Variants in PCDHGA7 observed in about 807,000 individuals in gnomAD.
PCDHGA7 encodes the protein protocadherin gamma-A7.
Under a neutral mutation model 58.3 loss-of-function variants are expected in PCDHGA7, and 44 were observed. The observed-to-expected ratio is 0.75, with a 90% CI of 0.59 to 0.97. The LOEUF is 0.97. Ranked by LOEUF, PCDHGA7 falls within the 50% of genes least tolerant of loss-of-function variation. The pLI, the probability that PCDHGA7 is intolerant of heterozygous loss-of-function variation, is 0.00. For synonymous variants in PCDHGA7, 516 were observed against 504.2 expected (o/e 1.02, Z -0.31); for missense variants, 1,266 against 1,188.7 (o/e 1.06, Z -0.96).
At chr5:141,507,786 G>A (rs536470814) in intron 3 of PCDHGA7, among the ~76,000 whole-genome samples, 3 of 152,292 alleles carry the variant, frequency 2.0e-5, no homozygotes, top group East Asian at 1.9e-4. Context: ...CCTGACCCTC[G>A]TCTAAGCCTG....
At position 141,431,159 on chromosome 5, in the gene PCDHGA7, C is replaced by T. The variant is rs1017606383; in HGVS notation, c.2424+45836C>T. Reference sequence around the variant, plus strand: ...CATTAACGACAATGCGCCTTACTTTCGTGAAAGTGAATTAGAAATAAAAAT... The same window carrying T: ...CATTAACGACAATGCGCCTTACTTTTGTGAAAGTGAATTAGAAATAAAAAT... On this transcript the variant is annotated intron_variant, in intron 1 of 3. Transcript: ENST00000518325. The surrounding 1 kb of genome is among the most constrained non-coding windows in gnomAD (Gnocchi z 4.8). 1 of 1,614,158 alleles carries T rather than the reference C, an allele frequency of 6.2e-7. No individual in the cohort carries two copies. The highest frequency in any genetic ancestry group is 1.3e-5 in the African/African-American group (1 of 75,046).
intron 1 of PCDHGA7, chr5:141,419,798 A>G: frequency 6.2e-7 from 1 of 1,614,050 alleles, no homozygotes; most frequent in Admixed American, 1.7e-5. Flanking sequence ...AGTCGCTGTA[A>G]GAGATGGAGG....
intron 3 of PCDHGA7, among the ~76,000 whole-genome samples, chr5:141,505,861 C>A (rs115699706): frequency 0.034 from 5,102 of 152,242 alleles, 131 homozygotes; most frequent in Admixed American, 0.057. Flanking sequence ...GGGACAGGGA[C>A]CCCAAAGGGT....
chr5:141,435,973 G>T (rs1420195337), intron 1 of PCDHGA7, among the ~76,000 whole-genome samples: 1 of 152,028 alleles, frequency 6.6e-6, no homozygotes, highest in East Asian at 1.9e-4. Context: ...AGAGTGTGTG[G>T]TTCTACTTGT....
chr5:141,422,508 C>T (rs2096653251), intron 1 of PCDHGA7: 1 of 1,613,984 alleles, frequency 6.2e-7, no homozygotes, highest in Non-Finnish European at 8.5e-7. Flanking sequence ...CAGCCACAGA[C>T]CAGGGAAGCC....
chr5:141,511,353 A>C lies in PCDHGA7; in HGVS notation c.*180A>C. ...AGTCAGCACCTACCCCTTCCCCCCC[A>C]GGGGGTTGAATATGCAAAAGCAGTT... On this transcript the variant is annotated 3_prime_UTR_variant, in exon 4 of 4. Transcript: ENST00000518325. 7.3e-7 allele frequency: 1 copy of C among 1,371,054 alleles called. No individual in the cohort carries two copies. Among genetic ancestry groups the C allele is most frequent in the Non-Finnish European group, 9.7e-7 (1 of 1,027,740 alleles). The allele number at this position is 1,371,054 out of a possible 1,614,324, so 84.9% of individuals were successfully genotyped here. A position where few individuals can be genotyped will look rare whatever the true frequency, so the allele number is the denominator to read the frequency against.
intron 1 of PCDHGA7, chr5:141,403,871 C>T: frequency 1.2e-6 from 2 of 1,613,602 alleles, no homozygotes; most frequent in Admixed American, 1.7e-5. Flanking sequence ...AGCAAAAAGT[C>T]TAGATTATGA....
chr5:141,486,760 G>C lies in PCDHGA7; in HGVS notation c.2425-8047G>C. ...GATCCTTTGACTATGAGCAAACCCAGACACTGCAGTTTGAGGTGCAGGCCC... is the reference window on the plus strand; with the variant it reads ...GATCCTTTGACTATGAGCAAACCCACACACTGCAGTTTGAGGTGCAGGCCC... On this transcript the variant is annotated intron_variant, in intron 1 of 3. Transcript: ENST00000518325. This position sits in a 1 kb window ranked among gnomAD's most constrained non-coding sequence, Gnocchi z 5.0. 1.2e-6 allele frequency: 2 copies of C among 1,614,240 alleles called. No homozygotes were observed. The highest frequency in any genetic ancestry group is 2.2e-5 in the South Asian group (2 of 91,086).
intron 1 of PCDHGA7, chr5:141,404,496 A>G (rs773471878): frequency 2.7e-5 from 43 of 1,613,778 alleles, no homozygotes; most frequent in East Asian, 2.2e-5. Context: ...GGTGTGCTGT[A>G]TGCTCTGTGC....
At chr5:141,402,737 G>C (rs948478466) in intron 1 of PCDHGA7, among the ~76,000 whole-genome samples, 7 of 152,158 alleles carry the variant, frequency 4.6e-5, no homozygotes, top group African/African-American at 1.4e-4. Flanking sequence ...CGCCGCTGTT[G>C]ATCAACTCTA....
intron 1 of PCDHGA7, chr5:141,398,701 C>G (rs757215015): frequency 6.2e-7 from 1 of 1,613,658 alleles, no homozygotes; most frequent in African/African-American, 1.3e-5. Flanking sequence ...TAGTAAATAC[C>G]CGGAACTGGC....
At chr5:141,418,348 T>C in intron 1 of PCDHGA7, 4 of 1,613,982 alleles carry the variant, frequency 2.5e-6, no homozygotes, top group Non-Finnish European at 3.4e-6. Context: ...CTGATATTAG[T>C]ATGAATTCGC....
At position 141,491,770 on chromosome 5, in the gene PCDHGA7, G is replaced by C. The variant is rs1230581925; in HGVS notation, c.2425-3037G>C. 1 of 1,560,888 alleles carries C rather than the reference G, an allele frequency of 6.4e-7. No individual in the cohort carries two copies. Among genetic ancestry groups the C allele is most frequent in the Non-Finnish European group, 8.7e-7 (1 of 1,154,942 alleles). On this transcript the variant is annotated intron_variant, in intron 1 of 3. Coordinates refer to ENST00000518325, the MANE Select transcript of PCDHGA7 (RefSeq NM_018920.4). This position sits in a 1 kb window ranked among gnomAD's most constrained non-coding sequence, Gnocchi z 6.9. ...TGGAGAAGCCGCCCGTCCTCATAAG[G>C]GATTGAACTTGCATCCACTCCTCTC...
In PCDHGA7 at chr5:141,399,542, C is replaced by T. The variant is rs761214012; in HGVS notation, c.2424+14219C>T. The T allele has an allele frequency of 5.6e-6, 9 of 1,614,046 alleles. No homozygotes were observed. The South Asian group carries it at 8.8e-5, about 16-fold the overall frequency. On this transcript the variant is annotated intron_variant, in intron 1 of 3. Transcript: ENST00000518325. ...GGGGCCTCCATCGCGCAAGTCTGCGCCTCGGACCTGGACTTGGGGTTGAAC... is the reference window on the plus strand; with the variant it reads ...GGGGCCTCCATCGCGCAAGTCTGCGTCTCGGACCTGGACTTGGGGTTGAAC...
In PCDHGA7 at chr5:141,489,261, A is replaced by C; in HGVS notation, c.2425-5546A>C. 6.4e-7 allele frequency: 1 copy of C among 1,551,956 alleles called. No individual in the cohort carries two copies. Among genetic ancestry groups the C allele is most frequent in the East Asian group, 2.2e-5 (1 of 44,450 alleles). Reference sequence around the variant, plus strand: ...GGGTCATGGGGCCCAAGACACTCCCACAGCTCGCTGGGAAATGGCAAGTGC... The same window carrying C: ...GGGTCATGGGGCCCAAGACACTCCCCCAGCTCGCTGGGAAATGGCAAGTGC... On this transcript the variant is annotated intron_variant, in intron 1 of 3. Coordinates refer to ENST00000518325, the MANE Select transcript of PCDHGA7 (RefSeq NM_018920.4). The surrounding 1 kb of genome is among the most constrained non-coding windows in gnomAD (Gnocchi z 4.5).
chr5:141,419,507 G>A (rs909984738), intron 1 of PCDHGA7: 2 of 1,612,198 alleles, frequency 1.2e-6, no homozygotes, highest in Non-Finnish European at 1.7e-6. Context: ...GAGCCTGCGC[G>A]TGTTGGTGGG....
rs763239421 is a variant in PCDHGA7, at chr5:141,477,265, G to C, written c.2425-17542G>C. 1 of 1,614,198 alleles carries C rather than the reference G, an allele frequency of 6.2e-7. No homozygotes were observed. Among genetic ancestry groups the C allele is most frequent in the Admixed American group, 1.7e-5 (1 of 60,020 alleles). On this transcript the variant is annotated intron_variant, in intron 1 of 3. Coordinates refer to ENST00000518325, the MANE Select transcript of PCDHGA7 (RefSeq NM_018920.4). The surrounding 1 kb of genome is among the most constrained non-coding windows in gnomAD (Gnocchi z 4.9). ...GTGTGACTGACCTGGATGCTGGCGA[G>C]AACGGGCTGGTGACCTGCGAAGTTC...
chr5:141,477,212 C>CCTCT lies in PCDHGA7; in HGVS notation c.2425-17594_2425-17591dup. 6.2e-7 allele frequency: 1 copy of CCTCT among 1,614,166 alleles called. No homozygotes were observed. The highest frequency in any genetic ancestry group is 8.5e-7 in the Non-Finnish European group (1 of 1,180,042). The stretch of plus-strand genomic sequence containing the variant: ...GTACAGCCCAGTACCCGAGGATGCC[C>CCTCT]CTCTGGGGACTGTCATCGCTTTGCT... On this transcript the variant is annotated intron_variant, in intron 1 of 3. Coordinates refer to ENST00000518325, the MANE Select transcript of PCDHGA7 (RefSeq NM_018920.4). This position sits in a 1 kb window ranked among gnomAD's most constrained non-coding sequence, Gnocchi z 4.9.
chr5:141,403,649 T>A, intron 1 of PCDHGA7: 7 of 1,613,874 alleles, frequency 4.3e-6, no homozygotes, highest in Non-Finnish European at 5.9e-6. Flanking sequence ...TGTGACAGTG[T>A]TGGATACAAA....
Sources: allele counts gnomAD v4.1 joint callset (sites outside exome capture counted in the v4.1 genomes callset), GRCh38; gene constraint gnomAD v4.1.1; non-coding constraint Gnocchi (gnomAD v3.1); transcripts MANE v1.5; gene names NCBI Gene and HGNC (gene_info 2026-07-23, HGNC 2026-07-21).